XG: variants seen among roughly 807,000 people sequenced by gnomAD.
The protein encoded by XG is glycoprotein Xg.
XG carries 24 observed loss-of-function variants against 25.7 expected under a neutral mutation model. The ratio of observed to expected loss-of-function variants is 0.93; its 90% CI spans 0.68 to 1.31. The LOEUF (loss-of-function observed/expected upper bound fraction) is 1.31. XG is among the 40% of genes most tolerant of loss of function. The pLI, the probability that XG is intolerant of heterozygous loss-of-function variation, is 0.00. For missense variants in XG, 181 were observed against 187.6 expected (o/e 0.96, Z 0.21); for synonymous variants, 77 against 69.2 (o/e 1.11, Z -0.56).
At position 2,752,436 on chromosome X, in the gene XG, G is replaced by C. The variant is rs186113075; in HGVS notation, c.61+101G>C. On this transcript the variant is annotated intron_variant, in intron 1 of 10. Transcript: ENST00000644266. ...AAAGGAGTTGCTATGAAGTGAATGG[G>C]GATAATTTGCCCAATGGGATTAGAA... 1.2e-4 allele frequency: 179 copies of C among 1,509,488 alleles called. 2 individuals are homozygous for C. The Admixed American group carries it at 3.1e-3, about 26-fold the overall frequency. The allele number at this position is 1,509,488 out of a possible 1,614,324, so 93.5% of individuals were successfully genotyped here. A position where few individuals can be genotyped will look rare whatever the true frequency, so the allele number is the denominator to read the frequency against.
In XG at chrX:2,752,257, T is replaced by C; in HGVS notation, c.-18T>C. The C allele has an allele frequency of 1.2e-6, 2 of 1,613,730 alleles. No individual in the cohort carries two copies. The highest frequency in any genetic ancestry group is 1.7e-6 in the Non-Finnish European group (2 of 1,179,730). On this transcript the variant is annotated 5_prime_UTR_variant, in exon 1 of 11. Transcript: ENST00000644266. ...TGGCTGGGGAGTCCACTGAGGTTCTTGCATCCTGAAGCAAACCATGGAGAG... is the reference window on the plus strand; with the variant it reads ...TGGCTGGGGAGTCCACTGAGGTTCTCGCATCCTGAAGCAAACCATGGAGAG...
At chrX:2,789,219 A>G (rs1040993616) in intron 4 of XG, among the ~76,000 whole-genome samples, 2 of 111,828 alleles carry the variant, frequency 1.8e-5, no homozygotes, top group Non-Finnish European at 3.8e-5. Context: ...CAACAGAGCA[A>G]GACTCTGTCT....
chrX:2,778,883 C>T lies in XG; in HGVS notation c.128-3183C>T, dbSNP rs187755165. Reference sequence around the variant, plus strand: ...TCTCCTCCCGGGTTCAAGTAATTCTCGTGCCTCAGCTGGGACTACAGGCAT... The same window carrying T: ...TCTCCTCCCGGGTTCAAGTAATTCTTGTGCCTCAGCTGGGACTACAGGCAT... On this transcript the variant is annotated intron_variant, in intron 3 of 10. Transcript: ENST00000644266. Among the ~76,000 whole-genome samples, 121 of 151,748 alleles carry T rather than the reference C, an allele frequency of 8.0e-4. No individual in the cohort carries two copies. In the South Asian group the frequency reaches 0.014, roughly 18 times the overall value.
intron 8 of XG, among the ~76,000 whole-genome samples, chrX:2,807,926 C>T (rs1351701256): frequency 9.0e-6 from 1 of 111,678 alleles, no homozygotes; most frequent in African/African-American, 3.3e-5. Context: ...TGTAGACTCT[C>T]CAATCCTGAA....
chrX:2,753,304 T>A (rs1211829323), intron 1 of XG, among the ~76,000 whole-genome samples: 3 of 152,178 alleles, frequency 2.0e-5, no homozygotes, highest in Non-Finnish European at 2.9e-5. Context: ...AATGTGGCCA[T>A]GCATTCATTA....
At chrX:2,781,969 A>G (rs774812705) in intron 3 of XG, 97 bp from the exon 4 acceptor site, 8 of 890,631 alleles carry the variant, frequency 9.0e-6, no homozygotes, top group Non-Finnish European at 1.3e-5. Context: ...AACAAACTGC[A>G]AGGTCGATAG....
intron 4 of XG, among the ~76,000 whole-genome samples, chrX:2,786,486 T>C (rs1463718021): frequency 9.1e-6 from 1 of 109,417 alleles, no homozygotes; most frequent in Non-Finnish European, 1.9e-5. Context: ...CAGGCTGGTC[T>C]CAAACTCCTG....
chrX:2,782,783 C>G (rs779669387), intron 4 of XG, among the ~76,000 whole-genome samples: 7 of 111,799 alleles, frequency 6.3e-5, no homozygotes, highest in East Asian at 5.6e-4. Flanking sequence ...GGTTCAGACT[C>G]TTGCAGCCAG....
At chrX:2,777,397 ATAAAATTAAATACAAAAAAAATGAAGAG>A in intron 3 of XG, among the ~76,000 whole-genome samples, 1 of 152,012 alleles carries the variant, frequency 6.6e-6, no homozygotes. Flanking sequence ...AGAATGAAGA[ATAAAATTAAATACAAAAAAAATGAAGAG>A]TAAAATTAAA....
chrX:2,769,776 A>G (rs1248514314), intron 1 of XG, among the ~76,000 whole-genome samples: 1 of 152,220 alleles, frequency 6.6e-6, no homozygotes, highest in African/African-American at 2.4e-5. Context: ...TGGATCAGGT[A>G]GGAACCTCAG....
intron 2 of XG, among the ~76,000 whole-genome samples, chrX:2,773,446 G>A (rs2050874156): frequency 1.4e-5 from 2 of 144,316 alleles, no homozygotes; most frequent in Admixed American, 6.9e-5. Context: ...AAGGAGGGTG[G>A]GGAGGAAGGA....
intron 2 of XG, among the ~76,000 whole-genome samples, chrX:2,773,905 G>C (rs764089812): frequency 1.3e-5 from 2 of 152,008 alleles, no homozygotes; most frequent in Non-Finnish European, 2.9e-5. Context: ...AAAAGGTGAT[G>C]AGAAACCTTC....
rs967749143 is a variant in XG at position 2,784,675 on chromosome X, G to T, written c.190+2547G>T. Among the ~76,000 whole-genome samples the T allele has an allele frequency of 6.3e-5, 7 of 111,734 alleles. No homozygotes were observed. In the South Asian group the frequency reaches 2.7e-3, roughly 43 times the overall value. On this transcript the variant is annotated intron_variant, in intron 4 of 10. Transcript: ENST00000644266. ...CACTCAGCCCCTCCCACAGCAAAGT[G>T]ATTCATGAACCCCAATAGGAGGAGG...
intron 1 of XG, among the ~76,000 whole-genome samples, chrX:2,764,410 G>A (rs949387485): frequency 1.5e-4 from 23 of 152,082 alleles, no homozygotes; most frequent in African/African-American, 5.1e-4. Flanking sequence ...CCCTGTCCTG[G>A]GGTCTGATTC....
intron 7 of XG, among the ~76,000 whole-genome samples, chrX:2,805,056 C>A (rs1240296517): frequency 8.9e-6 from 1 of 112,399 alleles, no homozygotes; most frequent in African/African-American, 3.2e-5. Context: ...TTAGCATCAG[C>A]ATGGAGGTGC....
chrX:2,804,543 C>A (rs1317312173), intron 7 of XG, among the ~76,000 whole-genome samples: 2 of 111,415 alleles, frequency 1.8e-5, no homozygotes, highest in Non-Finnish European at 3.8e-5. Context: ...ATAAAGCGAG[C>A]CGTCCCCACA....
intron 10 of XG, among the ~76,000 whole-genome samples, chrX:2,812,384 AGAGT>A (rs1036890814): frequency 9.0e-6 from 1 of 111,076 alleles, no homozygotes; most frequent in African/African-American, 3.3e-5. Flanking sequence ...TATAGCCTAA[AGAGT>A]GACTCAGATC....
intron 6 of XG, 88 bp from the exon 7 acceptor site, chrX:2,797,222 C>T: frequency 1.0e-6 from 1 of 985,789 alleles, no homozygotes; most frequent in South Asian, 2.1e-5. Flanking sequence ...TGTTGCCATT[C>T]CCAATGAGCT....
intron 4 of XG, among the ~76,000 whole-genome samples, chrX:2,788,505 A>T (rs1442767019): frequency 9.0e-6 from 1 of 111,727 alleles, no homozygotes; most frequent in Non-Finnish European, 1.9e-5. Context: ...GGGAGAGTGT[A>T]AAGTGATGGA....
Sources: allele counts gnomAD v4.1 joint callset (sites outside exome capture counted in the v4.1 genomes callset), GRCh38; gene constraint gnomAD v4.1.1; transcripts MANE v1.5; gene names NCBI Gene and HGNC (gene_info 2026-07-23, HGNC 2026-07-21).